Variants in CNTNAP5 observed in about 807,000 individuals in gnomAD.
CNTNAP5 encodes contactin-associated protein-like 5.
CNTNAP5 carries 72 observed loss-of-function variants against 150.2 expected under a neutral mutation model. The observed-to-expected ratio is 0.48, with a 90% confidence interval of 0.40 to 0.58. The LOEUF (loss-of-function observed/expected upper bound fraction) is 0.58. Among genes scored for constraint, CNTNAP5 ranks in the 20% least tolerant of loss-of-function variants. The probability of loss-of-function intolerance (pLI) is 0.00; values close to 1 mark genes in which losing one functional copy is unlikely to be tolerated. For missense variants in CNTNAP5, 1,636 were observed against 1,626.2 expected, an observed-to-expected ratio of 1.01 and a Z score of -0.10; for synonymous variants, 672 against 619.8, an observed-to-expected ratio of 1.08 and a Z score of -1.25.
intron 16 of CNTNAP5, among the ~76,000 whole-genome samples, chr2:124,764,968 A>T (rs1457701770): frequency 6.6e-6 from 1 of 152,064 alleles, no homozygotes; most frequent in East Asian, 1.9e-4. Flanking sequence ...GACTTCATAA[A>T]ATTTAAGTTT....
chr2:124,284,867 G>C (rs1688107248), intron 3 of CNTNAP5, among the ~76,000 whole-genome samples: 1 of 152,088 alleles, frequency 6.6e-6, no homozygotes, highest in African/African-American at 2.4e-5. Flanking sequence ...TGAGTCAGTG[G>C]GGAATGAGAG....
chr2:124,467,554 T>C lies in CNTNAP5; in HGVS notation c.919-7185T>C, dbSNP rs554353482. ...AGTTTTGGTAAATCAGACAAAAATATGAAAACAAATGATCTGAGGGATATA... is the reference window on the plus strand; with the variant it reads ...AGTTTTGGTAAATCAGACAAAAATACGAAAACAAATGATCTGAGGGATATA... On this transcript the variant is annotated intron_variant, in intron 6 of 23. Transcript: ENST00000682447. 1.2e-4 allele frequency among the ~76,000 whole-genome samples: 18 copies of C among 152,254 alleles called. No homozygotes were observed. The East Asian group carries it at 3.3e-3, about 28-fold the overall frequency.
chr2:124,699,926 T>C (rs1000571031), intron 13 of CNTNAP5, among the ~76,000 whole-genome samples: 2 of 152,188 alleles, frequency 1.3e-5, no homozygotes, highest in African/African-American at 4.8e-5. Flanking sequence ...TTCACAAGGT[T>C]GTACAACTAT....
chr2:124,504,665 C>T, intron 8 of CNTNAP5, 109 bp downstream of exon 8: 1 of 1,054,756 alleles, frequency 9.5e-7, no homozygotes, highest in Non-Finnish European at 1.4e-6. Flanking sequence ...TGGGTTAGCC[C>T]AGTATTCACA....
At chr2:124,558,163 A>C (rs1695804262) in intron 10 of CNTNAP5, among the ~76,000 whole-genome samples, 1 of 152,184 alleles carries the variant, frequency 6.6e-6, no homozygotes, top group African/African-American at 2.4e-5. Flanking sequence ...CAGTTAGTTG[A>C]TAATTGCAGT....
intron 7 of CNTNAP5, among the ~76,000 whole-genome samples, chr2:124,485,856 C>T (rs1693868642): frequency 6.6e-6 from 1 of 151,976 alleles, no homozygotes; most frequent in African/African-American, 2.4e-5. Context: ...CCCTCTAGTG[C>T]CCCTTATGGA....
rs191213875 is a variant in CNTNAP5 at position 124,764,287 on chromosome 2, C to T, written c.2533+140C>T. ...TCTGTAAAATTAGCAGTGATAATGTCTAGTTCCTTCTGATGCTTTATGATT... is the reference window on the plus strand; with the variant it reads ...TCTGTAAAATTAGCAGTGATAATGTTTAGTTCCTTCTGATGCTTTATGATT... On this transcript the variant is annotated intron_variant, in intron 16 of 23. Transcript: ENST00000682447. The T allele has an allele frequency of 4.2e-5, 27 of 642,652 alleles. No individual in the cohort carries two copies. In the East Asian group the frequency reaches 7.1e-4, roughly 17 times the overall value. 39.8% of individuals were successfully genotyped at this position (642,652 alleles called of 1,614,324 possible). A position where few individuals can be genotyped will look rare whatever the true frequency, so the allele number is the denominator to read the frequency against.
At chr2:124,735,416 A>T (rs193087064) in intron 13 of CNTNAP5, among the ~76,000 whole-genome samples, 1 of 145,398 alleles carries the variant, frequency 6.9e-6, no homozygotes. Flanking sequence ...TAGAACAATT[A>T]TTTCTACAAG....
intron 1 of CNTNAP5, among the ~76,000 whole-genome samples, chr2:124,040,556 G>A (rs1681341789): frequency 2.0e-5 from 3 of 150,920 alleles, no homozygotes; most frequent in African/African-American, 7.3e-5. Context: ...ATATATGTAT[G>A]TTCATACAAA....
chr2:124,516,565 C>T (rs1573429509), intron 8 of CNTNAP5, among the ~76,000 whole-genome samples: 2 of 152,142 alleles, frequency 1.3e-5, no homozygotes, highest in South Asian at 4.1e-4. Flanking sequence ...ATAAAGCCAT[C>T]AAGGAAATCT....
intron 16 of CNTNAP5, among the ~76,000 whole-genome samples, chr2:124,766,439 G>A (rs1009742101): frequency 2.0e-5 from 3 of 152,060 alleles, no homozygotes; most frequent in African/African-American, 4.8e-5. Flanking sequence ...GATGACAGAG[G>A]TGTTTAAGTC....
At chr2:124,664,747 C>T (rs574072745) in intron 13 of CNTNAP5, among the ~76,000 whole-genome samples, 25 of 152,322 alleles carry the variant, frequency 1.6e-4, no homozygotes, top group South Asian at 4.1e-4. Context: ...AGGACAATGG[C>T]GCAATCTTGT....
intron 5 of CNTNAP5, among the ~76,000 whole-genome samples, chr2:124,444,720 G>T (rs181089119): frequency 2.6e-5 from 4 of 152,330 alleles, no homozygotes; most frequent in Non-Finnish European, 4.4e-5. Flanking sequence ...ACAAAGTCCT[G>T]CATAGTGGGA....
At chr2:124,289,448 G>T (rs542294639) in intron 3 of CNTNAP5, among the ~76,000 whole-genome samples, 4 of 152,192 alleles carry the variant, frequency 2.6e-5, no homozygotes, top group Admixed American at 2.0e-4. Flanking sequence ...ATGTTTAAGG[G>T]ATATGAAAAT....
At chr2:124,132,249 C>A (rs911970254) in intron 1 of CNTNAP5, among the ~76,000 whole-genome samples, 1 of 152,152 alleles carries the variant, frequency 6.6e-6, no homozygotes, top group African/African-American at 2.4e-5. Context: ...TATAAGAATA[C>A]ACAAGGTTCC....
chr2:124,901,005 C>A (rs1678404803), intron 21 of CNTNAP5, among the ~76,000 whole-genome samples: 2 of 151,568 alleles, frequency 1.3e-5, no homozygotes, highest in African/African-American at 4.9e-5. Flanking sequence ...CTCATCATAC[C>A]AAACAAACAT....
intron 19 of CNTNAP5, among the ~76,000 whole-genome samples, chr2:124,804,750 G>A (rs1469659410): frequency 6.6e-6 from 1 of 152,076 alleles, no homozygotes; most frequent in Non-Finnish European, 1.5e-5. Flanking sequence ...AAAATAAATT[G>A]TGTTGTCTGA....
chr2:124,468,958 A>G (rs1361911647), intron 6 of CNTNAP5, among the ~76,000 whole-genome samples: 2 of 152,212 alleles, frequency 1.3e-5, no homozygotes, highest in African/African-American at 2.4e-5. Context: ...AACTTGAGAC[A>G]GCTCTAACAG....
chr2:124,234,631 T>C (rs1343482198), intron 2 of CNTNAP5, among the ~76,000 whole-genome samples: 1 of 152,106 alleles, frequency 6.6e-6, no homozygotes, highest in Non-Finnish European at 1.5e-5. Flanking sequence ...GGAATATCCA[T>C]CTTGGGTCTG....
Sources: gnomAD v4.1 joint callset for allele counts (sites outside exome capture counted in the v4.1 genomes callset) on GRCh38, gnomAD v4.1.1 for gene constraint, MANE v1.5 for transcripts, NCBI Gene and HGNC (gene_info 2026-07-23, HGNC 2026-07-21) for gene names.